The following ZNF107 variants were observed in gnomAD, a reference collection of about 807,000 sequenced individuals.
The protein encoded by ZNF107 is C2H2 type zinc-finger protein.
Under a neutral mutation model 12.3 loss-of-function variants are expected in ZNF107, and 19 were observed. The ratio of observed to expected loss-of-function variants is 1.55; its 90% CI spans 1.08 to 2.27. The LOEUF (loss-of-function observed/expected upper bound fraction) is 2.27, where lower values mean the gene tolerates loss of function less well. Ranked by LOEUF, ZNF107 falls within the 30% of genes most tolerant of loss-of-function variation. The pLI is 0.00. For missense variants in ZNF107, 958 were observed against 979.9 expected (o/e 0.98, Z 0.30); for synonymous variants, 317 against 330.5 (o/e 0.96, Z 0.44).
At chr7:64,678,630 C>T (rs867979743) in intron 1 of ZNF107, among the ~76,000 whole-genome samples, 1 of 152,006 alleles carries the variant, frequency 6.6e-6, no homozygotes, top group Non-Finnish European at 1.5e-5. Context: ...TGGTTACAGA[C>T]AATATTTTAA....
At chr7:64,691,998 G>A in intron 3 of ZNF107, 38 bp downstream of exon 3, 1 of 1,350,260 alleles carries the variant, frequency 7.4e-7, no homozygotes, top group Non-Finnish European at 9.8e-7. Flanking sequence ...AGATGACAAA[G>A]ATGAAAGGTC....
rs1181884566 is a variant in ZNF107, at chr7:64,707,943, A to G, written c.1846A>G (p.Thr616Ala). 1 of 1,613,648 alleles carries G rather than the reference A, an allele frequency of 6.2e-7. No individual in the cohort carries two copies. Among genetic ancestry groups the G allele is most frequent in the Non-Finnish European group, 8.5e-7 (1 of 1,179,786 alleles). The stretch of plus-strand genomic sequence containing the variant: ...CCGTACTATACATAAAATTATTCAT[A>G]CTGGAGAGAAACCCTACAAATGTGA... ...SHRTIHKIIHTGEKPYKCEEH... is the reference protein window; with the variant it reads ...SHRTIHKIIHAGEKPYKCEEH... Residue 616 changes from threonine (T) to alanine (A), a missense_variant, in exon 4 of 4, where the codon ACT (threonine) becomes GCT (alanine). Coordinates refer to ENST00000620827, the MANE Select transcript of ZNF107 (RefSeq NM_001282359.2).
At chr7:64,698,585 A>C (rs7796258) in intron 3 of ZNF107, among the ~76,000 whole-genome samples, 139,317 of 152,108 alleles carry the variant, frequency 0.92, 63,856 homozygotes, top group East Asian at 0.94. Flanking sequence ...CCATGCCCAG[A>C]TAATTTTGTA....
In ZNF107 at chr7:64,706,697, C is replaced by T. The variant is rs530403404; in HGVS notation, c.600C>T (p.Ser200=). 4.3e-6 allele frequency: 7 copies of T among 1,612,522 alleles called. No homozygotes were observed. The South Asian group carries it at 6.6e-5, about 15-fold the overall frequency. ...GAAGAATTCATACTAGAGTGAATTC[C>T]TACAAATGTGAAGAATGTGGAAAAG... ...QHRRIHTRVN[S]YKCEECGKAF... Residue 200 remains serine (S), a synonymous_variant, in exon 4 of 4, where the codon TCC becomes TCT. Transcript: ENST00000620827.
chr7:64,697,882 C>T (rs1196420888), intron 3 of ZNF107, among the ~76,000 whole-genome samples: 1 of 152,002 alleles, frequency 6.6e-6, no homozygotes, highest in Non-Finnish European at 1.5e-5. Context: ...TTAGTAGAGA[C>T]GGGGTTTCAC....
At chr7:64,686,368 A>T in intron 1 of ZNF107, 1 of 301,066 alleles carries the variant, frequency 3.3e-6, no homozygotes, top group Non-Finnish European at 4.9e-6. Flanking sequence ...CTCAGTTCCT[A>T]CAAAATCTCA....
At position 64,706,758 on chromosome 7, in the gene ZNF107, A is replaced by G. The variant is rs1375305271; in HGVS notation, c.661A>G (p.Arg221Gly). 1.2e-6 allele frequency: 2 copies of G among 1,613,088 alleles called. No homozygotes were observed. Among genetic ancestry groups the G allele is most frequent in the African/African-American group, 2.7e-5 (2 of 74,904 alleles). Residue 221 changes from arginine to glycine, a missense_variant, in exon 4 of 4, where the codon AGA becomes GGA. By Grantham distance (125) the Arg-to-Gly change is moderately radical. Coordinates refer to ENST00000620827, the MANE Select transcript of ZNF107 (RefSeq NM_001282359.2). ...NWFSTLTKHKRIHTGEKPYKC... is the reference protein window; with the variant it reads ...NWFSTLTKHKGIHTGEKPYKC... ...GTTCTCAACTCTTACTAAACATAAG[A>G]GAATTCATACTGGAGAAAAGCCCTA... is the stretch of plus-strand genomic sequence containing the variant.
In ZNF107 at chr7:64,679,821, G is replaced by C. The variant is rs1789580628; in HGVS notation, c.4-11427G>C. Among the ~76,000 whole-genome samples, 3 of 152,230 alleles carry C rather than the reference G, an allele frequency of 2.0e-5. No individual in the cohort carries two copies. In the South Asian group the frequency reaches 6.2e-4, roughly 32 times the overall value. ...ATTTTGTGGGACTTAGACAACTTTT[G>C]TCACAAAATGGGCAAATGGTTTGAG... On this transcript the variant is annotated intron_variant, in intron 1 of 3. Coordinates refer to ENST00000620827, the MANE Select transcript of ZNF107 (RefSeq NM_001282359.2).
In ZNF107 at chr7:64,711,447, A is replaced by G. The variant is rs1790882432; in HGVS notation, c.*2791A>G. ...CATTTCTCCTTTGTATTACAAACCA[A>G]TTCTGCACTTTTAGATACTTTAGAA... On this transcript the variant is annotated 3_prime_UTR_variant, in exon 4 of 4. Coordinates refer to ENST00000620827, the MANE Select transcript of ZNF107 (RefSeq NM_001282359.2). 1 of 152,206 alleles carries G rather than the reference A, an allele frequency of 6.6e-6. No homozygotes were observed. The highest frequency in any genetic ancestry group is 1.5e-5 in the Non-Finnish European group (1 of 68,036). 9.4% of individuals were successfully genotyped at this position (152,206 alleles called of 1,614,324 possible).
intron 1 of ZNF107, among the ~76,000 whole-genome samples, chr7:64,680,344 A>G (rs1789607485): frequency 6.6e-6 from 1 of 152,102 alleles, no homozygotes; most frequent in Non-Finnish European, 1.5e-5. Flanking sequence ...GGAGTGACTT[A>G]AATGTCATCC....
At chr7:64,690,724 G>A (rs1790087334) in intron 1 of ZNF107, among the ~76,000 whole-genome samples, 1 of 151,444 alleles carries the variant, frequency 6.6e-6, no homozygotes, top group Non-Finnish European at 1.5e-5. Context: ...ACTATATTTA[G>A]CTTTTATCCT....
intron 1 of ZNF107, among the ~76,000 whole-genome samples, chr7:64,681,340 G>C (rs1485118430): frequency 1.3e-5 from 2 of 151,984 alleles, no homozygotes; most frequent in African/African-American, 4.8e-5. Context: ...AAAGCCTCCA[G>C]ACCTCTCCAG....
In ZNF107 at chr7:64,708,559, AT is replaced by A; in HGVS notation, c.2464del (p.Tyr822MetfsTer33). 6.2e-7 allele frequency: 1 copy of A among 1,612,954 alleles called. No individual in the cohort carries two copies. Among genetic ancestry groups the A allele is most frequent in the Non-Finnish European group, 8.5e-7 (1 of 1,179,408 alleles). Reference protein sequence around the residue: ...HTGEKPYKCGDYGRAFNLSSN... With the variant: ...HTGEKPYKCGXYGRAFNLSSN... ...GGAGAGAAACCCTACAAATGTGGAGATTATGGCAGAGCTTTCAACCTATCCT... is the reference window on the plus strand; with the variant it reads ...GGAGAGAAACCCTACAAATGTGGAGATATGGCAGAGCTTTCAACCTATCCT... On this transcript the variant is annotated frameshift_variant, in exon 4 of 4. Transcript: ENST00000620827. LOFTEE classifies it low-confidence loss of function (END_TRUNC).
intron 3 of ZNF107, among the ~76,000 whole-genome samples, chr7:64,696,987 T>G (rs981612719): frequency 1.3e-5 from 2 of 148,820 alleles, no homozygotes; most frequent in Non-Finnish European, 3.0e-5. Flanking sequence ...CCCACAACAG[T>G]CCCCGGTGTG....
chr7:64,691,367 C>G lies in ZNF107; in HGVS notation c.123C>G (p.Val41=). Residue 41 remains valine (V), a synonymous_variant, in exon 2 of 4, where the codon GTC becomes GTG. Coordinates refer to ENST00000620827, the MANE Select transcript of ZNF107 (RefSeq NM_001282359.2). The stretch of plus-strand genomic sequence containing the variant: ...TGTTAGAGAACTACAGAAACCTGGT[C>G]TTTTTGGGTGAGGATAACTTCAATA... ...NVLLENYRNL[V]FLGIAVSKPY... is the part of the protein sequence containing the mutation. 2 of 1,483,548 alleles carry G rather than the reference C, an allele frequency of 1.3e-6. No homozygotes were observed. Among genetic ancestry groups the G allele is most frequent in the Admixed American group, 4.6e-5 (2 of 43,956 alleles). The allele number at this position is 1,483,548 out of a possible 1,614,324, so 91.9% of individuals were successfully genotyped here. A position where few individuals can be genotyped will look rare whatever the true frequency, so the allele number is the denominator to read the frequency against.
At chr7:64,690,831 T>A (rs1251195735) in intron 1 of ZNF107, among the ~76,000 whole-genome samples, 1 of 152,090 alleles carries the variant, frequency 6.6e-6, no homozygotes, top group Admixed American at 6.5e-5. Context: ...AGCTTTTGCC[T>A]CCCGGGTTCC....
At chr7:64,682,134 C>T (rs150936270) in intron 1 of ZNF107, among the ~76,000 whole-genome samples, 2 of 151,634 alleles carry the variant, frequency 1.3e-5, no homozygotes, top group Non-Finnish European at 2.9e-5. Flanking sequence ...TGCAGTCTCT[C>T]CTAGGAATCC....
intron 1 of ZNF107, among the ~76,000 whole-genome samples, chr7:64,687,801 G>C: frequency 6.6e-6 from 1 of 152,204 alleles, no homozygotes; most frequent in South Asian, 2.1e-4. Context: ...TGGTTGAATT[G>C]TGTAATAAAA....
At chr7:64,678,585 A>T (rs1262541042) in intron 1 of ZNF107, among the ~76,000 whole-genome samples, 1 of 152,230 alleles carries the variant, frequency 6.6e-6, no homozygotes. Context: ...ATTGTTATTC[A>T]TACTTTCAAA....
Sources: allele counts gnomAD v4.1 joint callset (sites outside exome capture counted in the v4.1 genomes callset), GRCh38; gene constraint gnomAD v4.1.1; transcripts MANE v1.5; gene names NCBI Gene and HGNC (gene_info 2026-07-23, HGNC 2026-07-21).